C2orf66: variants seen among roughly 807,000 people sequenced by gnomAD.
The protein encoded by C2orf66 is uncharacterized protein C2orf66.
Under a neutral mutation model 7.0 loss-of-function variants are expected in C2orf66, and 6 were observed. That is an observed-to-expected ratio of 0.86 (90% CI 0.47 to 1.69). C2orf66 has a LOEUF of 1.69. Among genes scored for constraint, C2orf66 ranks in the 40% most tolerant of loss-of-function variants. The probability of loss-of-function intolerance (pLI) is 0.01; values close to 1 mark genes in which losing one functional copy is unlikely to be tolerated. For missense variants in C2orf66, 107 were observed against 112.0 expected (o/e 0.96, Z 0.20); for synonymous variants, 38 against 43.8 (o/e 0.87, Z 0.52).
chr2:196,819,114 TTC>T, the C2orf66 span, among the ~76,000 whole-genome samples: 4 of 152,216 alleles, frequency 2.6e-5, no homozygotes, highest in East Asian at 5.8e-4. Context: ...CCCTCATAAT[TTC>T]TCTCTGTTTG....
At chr2:196,831,516 C>T in the C2orf66 span, among the ~76,000 whole-genome samples, 1 of 152,118 alleles carries the variant, frequency 6.6e-6, no homozygotes, top group East Asian at 1.9e-4. Flanking sequence ...TGGGATGTAT[C>T]TCCTCTCTTG....
rs544416415 is a variant in C2orf66 at position 196,806,475 on chromosome 2, G to T, written c.*19+949C>A. On this transcript the variant is annotated intron_variant, in intron 2 of 2. Transcript: ENST00000342506. ...GCCTCCCAAAGTGCTGGGATTACAG[G>T]TGTGAGCCACTGCGCCCGGCCAATC... Among the ~76,000 whole-genome samples, 8 of 151,966 alleles carry T rather than the reference G, an allele frequency of 5.3e-5. No homozygotes were observed. In the East Asian group the frequency reaches 1.6e-3, roughly 30 times the overall value.
the C2orf66 span, among the ~76,000 whole-genome samples, chr2:196,825,222 CAAA>C: frequency 3.7e-5 from 2 of 54,298 alleles, no homozygotes; most frequent in African/African-American, 1.4e-4. Context: ...GACTCTGTCT[CAAA>C]AAAAAAAAAA....
chr2:196,817,230 CTTTTTTTTTTTTTT>C, the C2orf66 span, among the ~76,000 whole-genome samples: 1 of 111,748 alleles, frequency 8.9e-6, no homozygotes, highest in Non-Finnish European at 1.8e-5. Context: ...CAAGTATTGT[CTTTTTTTTTTTTTT>C]TTTTTTTTGA....
At chr2:196,805,727 T>G (rs1381685846) in intron 2 of C2orf66, among the ~76,000 whole-genome samples, 1 of 152,192 alleles carries the variant, frequency 6.6e-6, no homozygotes, top group East Asian at 1.9e-4. Flanking sequence ...ATACTTTCTG[T>G]AAGGTAGAAA....
At chr2:196,809,042 A>C (rs1401004716) in intron 1 of C2orf66, among the ~76,000 whole-genome samples, 172 bp downstream of exon 1, 1 of 152,252 alleles carries the variant, frequency 6.6e-6, no homozygotes, top group Non-Finnish European at 1.5e-5. Flanking sequence ...CCAGAGAAAC[A>C]ATAGGTTGCC....
upstream of C2orf66, among the ~76,000 whole-genome samples, chr2:196,813,739 A>C (rs1475815140): frequency 6.6e-6 from 1 of 152,216 alleles, no homozygotes; most frequent in Non-Finnish European, 1.5e-5. Context: ...CAAGAAAAAA[A>C]CAACCCCATC....
the C2orf66 span, among the ~76,000 whole-genome samples, chr2:196,824,590 A>G: frequency 0.025 from 3,829 of 152,324 alleles, 65 homozygotes; most frequent in Middle Eastern, 0.037. Flanking sequence ...TTAAAACTGT[A>G]AGGTCCAGCA....
chr2:196,824,454 T>C, the C2orf66 span, among the ~76,000 whole-genome samples: 1 of 152,242 alleles, frequency 6.6e-6, no homozygotes, highest in African/African-American at 2.4e-5. Flanking sequence ...AGTTTTCTTC[T>C]GATTTTTTTT....
chr2:196,805,747 G>A (rs1052762558), intron 2 of C2orf66, among the ~76,000 whole-genome samples: 1 of 152,020 alleles, frequency 6.6e-6, no homozygotes, highest in Non-Finnish European at 1.5e-5. Context: ...ACTAGTATCT[G>A]CAATTTACAG....
the C2orf66 span, among the ~76,000 whole-genome samples, chr2:196,814,452 T>C: frequency 2.0e-5 from 3 of 152,138 alleles, no homozygotes; most frequent in South Asian, 6.2e-4. Context: ...GAGATAGCAC[T>C]AGGAGAAATA....
At chr2:196,828,140 C>T in the C2orf66 span, among the ~76,000 whole-genome samples, 1 of 151,844 alleles carries the variant, frequency 6.6e-6, no homozygotes, top group Non-Finnish European at 1.5e-5. Context: ...CTCTTTCTTA[C>T]TTTCAGGCTA....
chr2:196,812,210 T>G (rs1171262996), upstream of C2orf66, among the ~76,000 whole-genome samples: 1 of 152,190 alleles, frequency 6.6e-6, no homozygotes, highest in African/African-American at 2.4e-5. Context: ...ATCACTCTCT[T>G]TAAAACCCCA....
the C2orf66 span, among the ~76,000 whole-genome samples, chr2:196,816,897 AAGAG>A: frequency 1.3e-5 from 2 of 152,186 alleles, no homozygotes; most frequent in South Asian, 4.1e-4. Context: ...CTGAGAAATA[AAGAG>A]AAAGAGTACC....
At chr2:196,814,361 G>T in the C2orf66 span, among the ~76,000 whole-genome samples, 1 of 152,110 alleles carries the variant, frequency 6.6e-6, no homozygotes, top group Non-Finnish European at 1.5e-5. Context: ...TCAATAGTGG[G>T]AGTTGAACAA....
chr2:196,828,651 T>C, the C2orf66 span, among the ~76,000 whole-genome samples: 1 of 152,172 alleles, frequency 6.6e-6, no homozygotes, highest in Non-Finnish European at 1.5e-5. Flanking sequence ...GGACCTAAGA[T>C]ATTCACTTGA....
At chr2:196,810,520 A>G (rs1335244117), upstream of C2orf66, among the ~76,000 whole-genome samples, 1 of 152,266 alleles carries the variant, frequency 6.6e-6, no homozygotes, top group Non-Finnish European at 1.5e-5. Context: ...AAGATAAATT[A>G]CTATACCTAC....
chr2:196,820,444 T>C, the C2orf66 span, among the ~76,000 whole-genome samples: 1 of 152,206 alleles, frequency 6.6e-6, no homozygotes. Context: ...ATTTCTGGCT[T>C]ACTATCAAAC....
the C2orf66 span, among the ~76,000 whole-genome samples, chr2:196,821,706 T>C: frequency 6.6e-6 from 1 of 152,142 alleles, no homozygotes; most frequent in Non-Finnish European, 1.5e-5. Context: ...TTTTAGCCTA[T>C]TAATAAAGTT....
Sources: gnomAD v4.1 joint callset for allele counts (sites outside exome capture counted in the v4.1 genomes callset) on GRCh38, gnomAD v4.1.1 for gene constraint, MANE v1.5 for transcripts, NCBI Gene and HGNC (gene_info 2026-07-23, HGNC 2026-07-21) for gene names.